Variants in NEK7 observed in about 807,000 individuals in gnomAD.
The protein encoded by NEK7 is serine/threonine-protein kinase Nek7.
Under a neutral mutation model 44.6 loss-of-function variants are expected in NEK7, and 18 were observed. The ratio of observed to expected loss-of-function variants is 0.40; its 90% CI spans 0.28 to 0.60. NEK7 has a LOEUF of 0.60. Ranked by LOEUF, NEK7 falls within the 20% of genes least tolerant of loss-of-function variation. The probability of loss-of-function intolerance (pLI) is 0.38; values close to 1 mark genes in which losing one functional copy is unlikely to be tolerated. For missense variants in NEK7, 256 were observed against 366.5 expected (o/e 0.70, Z 2.46); for synonymous variants, 130 against 121.1 (o/e 1.07, Z -0.48).
intron 2 of NEK7, among the ~76,000 whole-genome samples, chr1:198,250,252 T>A (rs1280150608): frequency 6.8e-6 from 1 of 147,150 alleles, no homozygotes; most frequent in Non-Finnish European, 1.5e-5. Context: ...TCTGTTTTGG[T>A]ACCAGTACCA....
At chr1:198,173,105 G>A (rs56849642) in intron 1 of NEK7, among the ~76,000 whole-genome samples, 2,491 of 152,206 alleles carry the variant, frequency 0.016, 74 homozygotes, top group African/African-American at 0.057. Context: ...AAGAAGGTGT[G>A]TTGGGGGCCT....
intron 1 of NEK7, among the ~76,000 whole-genome samples, chr1:198,212,138 T>A (rs1288287536): frequency 6.6e-6 from 1 of 152,230 alleles, no homozygotes; most frequent in Non-Finnish European, 1.5e-5. Flanking sequence ...GTCAGCCAGC[T>A]AACTCAGGCT....
At chr1:198,301,572 A>G (rs1415728291) in intron 9 of NEK7, among the ~76,000 whole-genome samples, 2 of 152,222 alleles carry the variant, frequency 1.3e-5, no homozygotes, top group South Asian at 4.1e-4. Flanking sequence ...ACAAAAAAGC[A>G]TAACATTTCT....
intron 1 of NEK7, among the ~76,000 whole-genome samples, chr1:198,193,002 A>C (rs1408184765): frequency 6.6e-6 from 1 of 152,010 alleles, no homozygotes; most frequent in Admixed American, 6.6e-5. Context: ...AAAACTCTTC[A>C]AAAAATCAAT....
chr1:198,219,413 T>C (rs1666022796), intron 1 of NEK7, among the ~76,000 whole-genome samples: 1 of 151,604 alleles, frequency 6.6e-6, no homozygotes, highest in Non-Finnish European at 1.5e-5. Flanking sequence ...ACAACTTGGA[T>C]GGAATTGGAG....
intron 1 of NEK7, among the ~76,000 whole-genome samples, chr1:198,217,170 G>C (rs1665945508): frequency 1.3e-5 from 2 of 151,986 alleles, no homozygotes; most frequent in Non-Finnish European, 2.9e-5. Flanking sequence ...CTGCGGACAA[G>C]TATCTGTAAA....
intron 1 of NEK7, among the ~76,000 whole-genome samples, chr1:198,197,418 CTTT>C (rs138059046): frequency 0.15 from 22,587 of 152,028 alleles, 1,828 homozygotes; most frequent in East Asian, 0.22. Context: ...GATATAATTG[CTTT>C]TTTAAGAAAT....
At chr1:198,197,658 G>A in intron 1 of NEK7, 2 of 368,004 alleles carry the variant, frequency 5.4e-6, no homozygotes, top group Non-Finnish European at 1.0e-5. Context: ...GCAGGGTTAG[G>A]CTCAGGTGGG....
intron 3 of NEK7, among the ~76,000 whole-genome samples, chr1:198,255,368 A>G (rs1041453246): frequency 4.6e-5 from 7 of 152,262 alleles, no homozygotes; most frequent in Admixed American, 3.3e-4. Context: ...ATTGAGATCC[A>G]TTTGGAGGTC....
intron 1 of NEK7, among the ~76,000 whole-genome samples, chr1:198,187,789 G>T (rs375584477): frequency 3.3e-5 from 5 of 152,160 alleles, no homozygotes; most frequent in African/African-American, 1.2e-4. Flanking sequence ...TTTCCCGTGG[G>T]TAGAAAGACT....
intron 9 of NEK7, among the ~76,000 whole-genome samples, chr1:198,312,275 G>A (rs1351867347): frequency 1.9e-4 from 28 of 150,880 alleles, no homozygotes; most frequent in East Asian, 3.9e-4. Context: ...CTGTGGGATC[G>A]GTGGTGATAT....
rs1283861829 is a variant in NEK7, at chr1:198,259,269, A to T, written c.199-3306A>T. ...TTCCTAAAACTCTTATACATCTATTATTCATTCTTATCTCACTCACCCTCT... is the reference window on the plus strand; with the variant it reads ...TTCCTAAAACTCTTATACATCTATTTTTCATTCTTATCTCACTCACCCTCT... On this transcript the variant is annotated intron_variant, in intron 3 of 9. Coordinates refer to ENST00000367385, the MANE Select transcript of NEK7 (RefSeq NM_133494.3). 2.6e-5 allele frequency among the ~76,000 whole-genome samples: 4 copies of T among 152,124 alleles called. No homozygotes were observed. The East Asian group carries it at 5.8e-4, about 22-fold the overall frequency.
intron 1 of NEK7, among the ~76,000 whole-genome samples, chr1:198,227,064 T>C (rs1372758654): frequency 6.6e-6 from 1 of 152,126 alleles, no homozygotes; most frequent in Non-Finnish European, 1.5e-5. Context: ...TTCCCCTTCC[T>C]GTGTCCATGT....
chr1:198,249,963 G>A (rs1652873987), intron 2 of NEK7, among the ~76,000 whole-genome samples: 1 of 145,940 alleles, frequency 6.9e-6, no homozygotes, highest in Admixed American at 6.9e-5. Context: ...CCATGCCTAT[G>A]TCCTGAATGG....
At chr1:198,230,990 T>G (rs964239663) in intron 1 of NEK7, among the ~76,000 whole-genome samples, 2 of 151,934 alleles carry the variant, frequency 1.3e-5, no homozygotes, top group African/African-American at 4.8e-5. Context: ...AATTGATCTT[T>G]AAGGTCAACG....
rs140867065 is a variant in NEK7, at chr1:198,218,084, T to C, written c.-28-14469T>C. ...TTAGGAAAAACAATCCTCAAATTTA[T>C]ATGGAACCAAAAAGCCCAAATTGCT... On this transcript the variant is annotated intron_variant, in intron 1 of 9. Coordinates refer to ENST00000367385, the MANE Select transcript of NEK7 (RefSeq NM_133494.3). 2.0e-5 allele frequency among the ~76,000 whole-genome samples: 3 copies of C among 152,064 alleles called. No individual in the cohort carries two copies. The East Asian group carries it at 5.8e-4, about 29-fold the overall frequency.
chr1:198,269,408 T>A (rs1653767108), intron 5 of NEK7, among the ~76,000 whole-genome samples: 1 of 152,066 alleles, frequency 6.6e-6, no homozygotes, highest in African/African-American at 2.4e-5. Context: ...AATTGTTTTC[T>A]GAACATGCTT....
At position 198,302,935 on chromosome 1, in the gene NEK7, G is replaced by A. The variant is rs117286465; in HGVS notation, c.798+5695G>A. ...AAACTCTCAGGTGTTTTATGAATGA[G>A]CATTTCATGATTTTTACTCTTAGAC... On this transcript the variant is annotated intron_variant, in intron 9 of 9. Coordinates refer to ENST00000367385, the MANE Select transcript of NEK7 (RefSeq NM_133494.3). Among the ~76,000 whole-genome samples, 47 of 152,190 alleles carry A rather than the reference G, an allele frequency of 3.1e-4. No individual in the cohort carries two copies. The East Asian group carries it at 8.7e-3, about 28-fold the overall frequency.
Position 198,238,597 on chromosome 1 carries a change from A to G in NEK7, c.57+5960A>G, listed in dbSNP as rs141730029. Among the ~76,000 whole-genome samples, 127 of 152,284 alleles carry G rather than the reference A, an allele frequency of 8.3e-4. 1 individual carries two copies. The East Asian group carries it at 0.022, about 26-fold the overall frequency. On this transcript the variant is annotated intron_variant, in intron 2 of 9. Coordinates refer to ENST00000367385, the MANE Select transcript of NEK7 (RefSeq NM_133494.3). Reference sequence around the variant, plus strand: ...CATTACCCCATGCTTACCATTTCAGATAACATTGCCTCATTTAATCCTAAC... The same window carrying G: ...CATTACCCCATGCTTACCATTTCAGGTAACATTGCCTCATTTAATCCTAAC...
Sources: allele counts gnomAD v4.1 joint callset (sites outside exome capture counted in the v4.1 genomes callset), GRCh38; gene constraint gnomAD v4.1.1; transcripts MANE v1.5; gene names NCBI Gene and HGNC (gene_info 2026-07-23, HGNC 2026-07-21).